The following MEGF10 variants were observed in gnomAD, a reference collection of about 807,000 sequenced individuals.
MEGF10 encodes multiple EGF like domains 10, also known as multiple epidermal growth factor-like domains protein 10.
A neutral mutation model predicts 147.5 loss-of-function variants in MEGF10; 86 were observed. The observed-to-expected ratio is 0.58, with a 90% CI of 0.49 to 0.70. MEGF10 has a LOEUF of 0.70. MEGF10 is among the 30% of genes least tolerant of loss of function. The probability of loss-of-function intolerance (pLI) is 0.00; values close to 1 mark genes in which losing one functional copy is unlikely to be tolerated. For synonymous variants in MEGF10, 478 were observed against 525.5 expected, an observed-to-expected ratio of 0.91 and a Z score of 1.24; for missense variants, 1,329 against 1,487.3, an observed-to-expected ratio of 0.89 and a Z score of 1.75.
chr5:127,414,364 A>G (rs1334601374), intron 9 of MEGF10, among the ~76,000 whole-genome samples: 1 of 151,896 alleles, frequency 6.6e-6, no homozygotes, highest in Non-Finnish European at 1.5e-5. Flanking sequence ...AAATGGGATC[A>G]TACCATCTAG....
chr5:127,338,604 C>T (rs994384261), intron 2 of MEGF10, among the ~76,000 whole-genome samples: 3 of 152,230 alleles, frequency 2.0e-5, no homozygotes, highest in African/African-American at 7.2e-5. Flanking sequence ...ACTGTATAGT[C>T]TTCCATTGCC....
chr5:127,387,582 T>A (rs563661505), intron 5 of MEGF10, among the ~76,000 whole-genome samples: 61 of 152,334 alleles, frequency 4.0e-4, no homozygotes, highest in African/African-American at 1.4e-3. Context: ...ATCACTTCTT[T>A]GGGGTGTTCA....
At chr5:127,313,206 A>G (rs186465151) in intron 1 of MEGF10, among the ~76,000 whole-genome samples, 2 of 152,194 alleles carry the variant, frequency 1.3e-5, no homozygotes, top group African/African-American at 4.8e-5. Flanking sequence ...GCTCTATGGG[A>G]TCGTGTAGAT....
At chr5:127,348,065 T>C (rs1761956907) in intron 4 of MEGF10, among the ~76,000 whole-genome samples, 2 of 152,154 alleles carry the variant, frequency 1.3e-5, no homozygotes, top group African/African-American at 4.8e-5. Context: ...ATAAGAATTC[T>C]TCTGCTGTAG....
intron 1 of MEGF10, among the ~76,000 whole-genome samples, chr5:127,300,408 G>A (rs1401167920): frequency 6.6e-6 from 1 of 152,164 alleles, no homozygotes. Context: ...TGTGTCCCAA[G>A]TAGTATATAT....
chr5:127,254,738 G>A, the MEGF10 span, among the ~76,000 whole-genome samples: 13 of 151,778 alleles, frequency 8.6e-5, 1 homozygote, highest in Admixed American at 5.2e-4. Context: ...TTGAACCCAG[G>A]AGGCGGAGGT....
chr5:127,357,209 C>A (rs1358720596), intron 4 of MEGF10, among the ~76,000 whole-genome samples: 1 of 152,092 alleles, frequency 6.6e-6, no homozygotes, highest in Non-Finnish European at 1.5e-5. Context: ...GGAGGAGATG[C>A]GTATTTTACT....
At chr5:127,342,395 T>A (rs1761718451) in intron 4 of MEGF10, among the ~76,000 whole-genome samples, 1 of 152,088 alleles carries the variant, frequency 6.6e-6, no homozygotes, top group South Asian at 2.1e-4. Context: ...AACCCAGGGG[T>A]CATAGAATTT....
upstream of MEGF10, among the ~76,000 whole-genome samples, chr5:127,289,346 C>A (rs910468371): frequency 2.6e-5 from 4 of 152,170 alleles, no homozygotes; most frequent in Non-Finnish European, 5.9e-5. Context: ...TAGAAAACAG[C>A]CATATGGATT....
At chr5:127,250,504 G>A in the MEGF10 span, among the ~76,000 whole-genome samples, 1 of 151,948 alleles carries the variant, frequency 6.6e-6, no homozygotes, top group Non-Finnish European at 1.5e-5. Context: ...AGCAATAGAA[G>A]GAAACTTCAT....
At chr5:127,438,290 G>C in intron 16 of MEGF10, 149 bp from the exon 17 acceptor site, 2 of 781,144 alleles carry the variant, frequency 2.6e-6, no homozygotes, top group East Asian at 2.6e-5. Context: ...CTGGGATTTA[G>C]TGCAGAATTC....
At chr5:127,294,689 C>T (rs897357733) in intron 1 of MEGF10, among the ~76,000 whole-genome samples, 1 of 151,860 alleles carries the variant, frequency 6.6e-6, no homozygotes, top group African/African-American at 2.4e-5. Flanking sequence ...ATCCCAACTA[C>T]TTGGGAGGCT....
intron 18 of MEGF10, among the ~76,000 whole-genome samples, chr5:127,442,317 A>G (rs1020594639): frequency 1.3e-5 from 2 of 152,220 alleles, no homozygotes; most frequent in Non-Finnish European, 2.9e-5. Context: ...TATGAAAAAT[A>G]TCAATATTTT....
intron 24 of MEGF10, among the ~76,000 whole-genome samples, chr5:127,456,149 A>G (rs1374780545): frequency 1.3e-5 from 2 of 152,170 alleles, no homozygotes; most frequent in Non-Finnish European, 2.9e-5. Context: ...TAATATATCT[A>G]CTTAGCCGAA....
At chr5:127,392,090 C>A (rs527719226) in intron 5 of MEGF10, among the ~76,000 whole-genome samples, 1 of 152,158 alleles carries the variant, frequency 6.6e-6, no homozygotes, top group African/African-American at 2.4e-5. Context: ...CATCTTAGAT[C>A]GGTTCTCAAA....
At chr5:127,397,987 T>C in intron 6 of MEGF10, among the ~76,000 whole-genome samples, 1 of 151,748 alleles carries the variant, frequency 6.6e-6, no homozygotes, top group East Asian at 1.9e-4. Context: ...ACACCGCATG[T>C]TCTCACTCAT....
chr5:127,424,525 T>G, intron 13 of MEGF10: 1 of 1,431,386 alleles, frequency 7.0e-7, no homozygotes, highest in South Asian at 1.5e-5. Flanking sequence ...CAGCAACCTC[T>G]TCAGTAGTGT....
At chr5:127,365,837 C>T (rs1392767825) in intron 4 of MEGF10, among the ~76,000 whole-genome samples, 2 of 151,884 alleles carry the variant, frequency 1.3e-5, no homozygotes, top group Non-Finnish European at 1.5e-5. Flanking sequence ...TTTTAATTGC[C>T]CTTTTAAAAA....
chr5:127,405,996 TA>T (rs1764306747), intron 8 of MEGF10, among the ~76,000 whole-genome samples: 1 of 152,164 alleles, frequency 6.6e-6, no homozygotes, highest in Admixed American at 6.5e-5. Flanking sequence ...ATTAGGCTGT[TA>T]GATAATTTCT....
Sources: allele counts gnomAD v4.1 joint callset (sites outside exome capture counted in the v4.1 genomes callset), GRCh38; gene constraint gnomAD v4.1.1; transcripts MANE v1.5; gene names NCBI Gene and HGNC (gene_info 2026-07-23, HGNC 2026-07-21).